Variants in PSMG2 observed in about 807,000 individuals in gnomAD.
PSMG2 encodes the protein proteasome assembly chaperone 2.
In PSMG2, 21 loss-of-function variants were observed where a neutral mutation model predicts 31.5. The observed-to-expected ratio is 0.67, with a 90% confidence interval of 0.47 to 0.96. The LOEUF is 0.96. Among genes scored for constraint, PSMG2 ranks in the 40% least tolerant of loss-of-function variants. The pLI, the probability that PSMG2 is intolerant of heterozygous loss-of-function variation, is 0.00. For missense variants in PSMG2, 318 were observed against 321.2 expected (o/e 0.99, Z 0.08); for synonymous variants, 120 against 110.4 (o/e 1.09, Z -0.54).
upstream of PSMG2, chr18:12,700,123 A>G (rs1243459975): frequency 5.7e-6 from 2 of 353,028 alleles, no homozygotes; most frequent in Non-Finnish European, 1.0e-5. Context: ...CTAAGGAATT[A>G]AACTGTCTTC....
chr18:12,694,040 C>T (rs1308813756), intron 1 of PSMG2, among the ~76,000 whole-genome samples: 1 of 151,914 alleles, frequency 6.6e-6, no homozygotes, highest in Non-Finnish European at 1.5e-5. Flanking sequence ...ACTATGTTGC[C>T]CAAGCTGGTC....
At chr18:12,674,676 C>T (rs2039057588) in intron 1 of PSMG2, 1 of 1,613,974 alleles carries the variant, frequency 6.2e-7, no homozygotes. Flanking sequence ...TTGTTGTACG[C>T]TCAAATTCAT....
upstream of PSMG2, chr18:12,703,015 C>G (rs554044818): frequency 1.1e-3 from 1,632 of 1,441,978 alleles, 3 homozygotes; most frequent in Non-Finnish European, 1.3e-3. Flanking sequence ...TCCCGCGCCC[C>G]GCGAGGCTCC....
intron 1 of PSMG2, among the ~76,000 whole-genome samples, chr18:12,669,382 G>T (rs2038882777): frequency 6.6e-6 from 1 of 151,942 alleles, no homozygotes; most frequent in African/African-American, 2.4e-5. Flanking sequence ...AAAGTGCTGG[G>T]ATTACAGGCA....
At chr18:12,695,771 T>C (rs1382011187) in intron 1 of PSMG2, among the ~76,000 whole-genome samples, 1 of 152,098 alleles carries the variant, frequency 6.6e-6, no homozygotes, top group African/African-American at 2.4e-5. Context: ...CTCTTAATTT[T>C]TGTCTTAATT....
intron 1 of PSMG2, among the ~76,000 whole-genome samples, chr18:12,706,243 T>A (rs909034280): frequency 3.3e-5 from 5 of 152,000 alleles, no homozygotes; most frequent in African/African-American, 4.8e-5. Flanking sequence ...CTGAGGCGGG[T>A]GGATCACCTG....
At chr18:12,697,661 T>A (rs2040003003) in intron 1 of PSMG2, among the ~76,000 whole-genome samples, 1 of 152,208 alleles carries the variant, frequency 6.6e-6, no homozygotes, top group South Asian at 2.1e-4. Flanking sequence ...TTCTGATTCA[T>A]AAGATAAGTC....
At chr18:12,718,860 TAG>T (rs1299949910) in intron 4 of PSMG2, among the ~76,000 whole-genome samples, 7 of 151,896 alleles carry the variant, frequency 4.6e-5, no homozygotes, top group Non-Finnish European at 8.8e-5. Flanking sequence ...AGACATCGTG[TAG>T]AGAGAGAGAG....
At chr18:12,673,234 T>C in intron 1 of PSMG2, 1 of 1,426,210 alleles carries the variant, frequency 7.0e-7, no homozygotes, top group Non-Finnish European at 9.2e-7. Context: ...CAGTCAAGTA[T>C]ATACAAAATT....
chr18:12,694,826 T>G (rs2039891669), intron 1 of PSMG2, among the ~76,000 whole-genome samples: 1 of 151,816 alleles, frequency 6.6e-6, no homozygotes, highest in African/African-American at 2.4e-5. Flanking sequence ...TTCTCCTGCC[T>G]CAGCCTCCCG....
intron 1 of PSMG2, among the ~76,000 whole-genome samples, chr18:12,661,529 T>C (rs1438937275): frequency 6.6e-6 from 1 of 152,050 alleles, no homozygotes; most frequent in Non-Finnish European, 1.5e-5. Flanking sequence ...CCCAACACTT[T>C]GGGAAGCCAA....
intron 1 of PSMG2, chr18:12,686,575 C>T (rs1278149073): frequency 2.9e-6 from 2 of 678,614 alleles, no homozygotes; most frequent in Non-Finnish European, 4.9e-6. Context: ...ACCTTGTATC[C>T]AGTATTTGGC....
upstream of PSMG2, chr18:12,699,982 A>G (rs1038423490): frequency 1.6e-5 from 15 of 932,634 alleles, no homozygotes; most frequent in Middle Eastern, 2.7e-4. Context: ...AAACATGACT[A>G]AGCACTGAAC....
At position 12,683,186 on chromosome 18, in the gene PSMG2, C is replaced by CAAAAAAA. The variant is rs765652085; in HGVS notation, c.-36-23352_-36-23346dup. On this transcript the variant is annotated intron_variant, in intron 1 of 6. Coordinates refer to the PSMG2 transcript ENST00000585331. Reference sequence around the variant, plus strand: ...GAAACCCCATCTCTACTAAAAATACCAAAAAAAAAAAAAAAAAAGCCAGGC... The same window carrying CAAAAAAA: ...GAAACCCCATCTCTACTAAAAATACCAAAAAAAAAAAAAAAAAAAAAAAAAGCCAGGC... 3.8e-3 allele frequency among the ~76,000 whole-genome samples: 244 copies of CAAAAAAA among 63,594 alleles called. 3 individuals carry two copies. Among genetic ancestry groups the CAAAAAAA allele is most frequent in the Middle Eastern group, 0.014 (1 of 74 alleles). 41.7% of individuals were successfully genotyped at this position (63,594 alleles called of 152,430 possible). A position where few individuals can be genotyped will look rare whatever the true frequency, so the allele number is the denominator to read the frequency against.
intron 1 of PSMG2, among the ~76,000 whole-genome samples, chr18:12,666,147 T>C (rs958259721): frequency 3.5e-5 from 4 of 113,746 alleles, no homozygotes; most frequent in African/African-American, 1.2e-4. Flanking sequence ...CAAGAACTCA[T>C]CTCTACAAAA....
intron 1 of PSMG2, among the ~76,000 whole-genome samples, chr18:12,687,983 C>T (rs2039603368): frequency 6.6e-6 from 1 of 151,930 alleles, no homozygotes; most frequent in South Asian, 2.1e-4. Flanking sequence ...GTGGCTCACG[C>T]CTGTAATCCC....
chr18:12,689,298 C>A (rs2039660081), intron 1 of PSMG2, among the ~76,000 whole-genome samples: 1 of 152,036 alleles, frequency 6.6e-6, no homozygotes, highest in Non-Finnish European at 1.5e-5. Flanking sequence ...AGAAACAGTT[C>A]TGAGGAATCT....
Position 12,724,589 on chromosome 18 carries a change from T to C in PSMG2, c.672T>C (p.Leu224=). ...IPDALGLVEY[L]NEWLQILKPL... is the part of the protein sequence containing the mutation. ...ATGCATTAGGTCTTGTTGAGTATCT[T>C]AATGAGTGGCTTCAGATACTCAAAC... The change falls in exon 6 of 7, where the codon CTT becomes CTC. Residue 224 remains leucine, a synonymous_variant. Transcript: ENST00000317615. 2 of 1,609,390 alleles carry C rather than the reference T, an allele frequency of 1.2e-6. No homozygotes were observed. The highest frequency in any genetic ancestry group is 1.1e-5 in the South Asian group (1 of 89,890).
intron 1 of PSMG2, chr18:12,686,188 C>G: frequency 7.9e-7 from 1 of 1,260,838 alleles, no homozygotes; most frequent in Non-Finnish European, 1.1e-6. Context: ...CTAAGGCATT[C>G]TTTTACAAAT....
Sources: gnomAD v4.1 joint callset for allele counts (sites outside exome capture counted in the v4.1 genomes callset) on GRCh38, gnomAD v4.1.1 for gene constraint, MANE v1.5 for transcripts, NCBI Gene and HGNC (gene_info 2026-07-23, HGNC 2026-07-21) for gene names.